ST6GALNAC3: variants seen among roughly 807,000 people sequenced by gnomAD.
The protein encoded by ST6GALNAC3 is alpha-N-acetylgalactosaminide alpha-2,6-sialyltransferase 3.
Under a neutral mutation model 32.7 loss-of-function variants are expected in ST6GALNAC3, and 25 were observed. The observed-to-expected ratio is 0.76, with a 90% CI of 0.56 to 1.07. The LOEUF is 1.07. Among genes scored for constraint, ST6GALNAC3 ranks in the 50% least tolerant of loss-of-function variants. ST6GALNAC3 has a pLI of 0.00. For synonymous variants in ST6GALNAC3, 129 were observed against 133.1 expected (o/e 0.97, Z 0.21); for missense variants, 355 against 382.4 (o/e 0.93, Z 0.60).
At chr1:76,286,027 G>A (rs1301468083) in intron 1 of ST6GALNAC3, among the ~76,000 whole-genome samples, 1 of 152,048 alleles carries the variant, frequency 6.6e-6, no homozygotes, top group Non-Finnish European at 1.5e-5. Flanking sequence ...GACAGCCATA[G>A]GCTAAGATGT....
chr1:76,468,941 C>A (rs1008327280), intron 3 of ST6GALNAC3, among the ~76,000 whole-genome samples: 11 of 151,928 alleles, frequency 7.2e-5, no homozygotes, highest in African/African-American at 2.7e-4. Flanking sequence ...AAAATAATTT[C>A]TTTCCTTGGC....
At chr1:76,610,689 G>C (rs1460517154) in intron 3 of ST6GALNAC3, among the ~76,000 whole-genome samples, 1 of 152,112 alleles carries the variant, frequency 6.6e-6, no homozygotes, top group Non-Finnish European at 1.5e-5. Context: ...GTCTGTAAGT[G>C]GCGACAGGGA....
intron 3 of ST6GALNAC3, among the ~76,000 whole-genome samples, chr1:76,531,163 T>C (rs141588518): frequency 2.6e-5 from 4 of 152,316 alleles, no homozygotes; most frequent in Non-Finnish European, 5.9e-5. Flanking sequence ...TGTCTCCAAG[T>C]TGCTATTCCA....
rs1481441867 is a variant in ST6GALNAC3 at position 76,627,450 on chromosome 1, A to C, written c.624-2A>C. ...GTTATTGTTTGTTTTCATTTCCCTC[A>C]GAGTCCAGTCTGGCTCATATCTCAG... On this transcript the variant is annotated splice_acceptor_variant, in intron 3 of 4. Transcript: ENST00000328299. LOFTEE classifies it high-confidence loss of function. 1 of 1,599,210 alleles carries C rather than the reference A, an allele frequency of 6.3e-7. No homozygotes were observed. The highest frequency in any genetic ancestry group is 8.6e-7 in the Non-Finnish European group (1 of 1,167,366).
intron 2 of ST6GALNAC3, among the ~76,000 whole-genome samples, chr1:76,314,579 G>A (rs1322877842): frequency 6.6e-6 from 1 of 152,124 alleles, no homozygotes; most frequent in East Asian, 1.9e-4. Context: ...GTACAGGAGA[G>A]GATGGAGGTA....
chr1:76,257,828 G>C (rs1184974759), intron 1 of ST6GALNAC3, among the ~76,000 whole-genome samples: 1 of 152,066 alleles, frequency 6.6e-6, no homozygotes, highest in Admixed American at 6.6e-5. Context: ...GGCTAATGAT[G>C]TTATTTTATT....
Position 76,633,935 on chromosome 1 carries a change from A to C in ST6GALNAC3, c.*5129A>C, listed in dbSNP as rs1343751152. 1.3e-5 allele frequency: 2 copies of C among 153,244 alleles called. No individual in the cohort carries two copies. The highest frequency in any genetic ancestry group is 4.8e-5 in the African/African-American group (2 of 41,456). The allele number at this position is 153,244 out of a possible 1,614,324, so 9.5% of individuals were successfully genotyped here. On this transcript the variant is annotated 3_prime_UTR_variant, in exon 5 of 5. Coordinates refer to ENST00000328299, the MANE Select transcript of ST6GALNAC3 (RefSeq NM_152996.4). ...TTGTTCTGTTGCTTGTTTTTGCTGA[A>C]CTGTAGAGAAAACACCAGAGTAAAA...
chr1:76,427,178 G>C (rs1365080852), intron 3 of ST6GALNAC3, among the ~76,000 whole-genome samples: 1 of 151,982 alleles, frequency 6.6e-6, no homozygotes, highest in African/African-American at 2.4e-5. Context: ...TAAGACCAGG[G>C]CAAATCTAGT....
chr1:76,262,369 T>C (rs1268025197), intron 1 of ST6GALNAC3, among the ~76,000 whole-genome samples: 1 of 151,790 alleles, frequency 6.6e-6, no homozygotes, highest in Non-Finnish European at 1.5e-5. Flanking sequence ...TATGTATTTA[T>C]TGGACTCTGT....
intron 2 of ST6GALNAC3, among the ~76,000 whole-genome samples, chr1:76,398,074 C>T (rs1653116006): frequency 6.6e-6 from 1 of 152,016 alleles, no homozygotes; most frequent in Non-Finnish European, 1.5e-5. Flanking sequence ...TATTTTGGTT[C>T]CAGTCCTAGT....
At chr1:76,601,839 A>G (rs1647250643) in intron 3 of ST6GALNAC3, among the ~76,000 whole-genome samples, 1 of 152,198 alleles carries the variant, frequency 6.6e-6, no homozygotes, top group African/African-American at 2.4e-5. Context: ...GAACATGACC[A>G]GTTGAGAGCA....
intron 3 of ST6GALNAC3, among the ~76,000 whole-genome samples, chr1:76,495,158 T>C (rs145226684): frequency 1.8e-4 from 27 of 152,210 alleles, no homozygotes; most frequent in Middle Eastern, 3.4e-3. Context: ...CAGGATAATG[T>C]TTGACCAAAT....
Position 76,628,682 on chromosome 1 carries a change from A to T in ST6GALNAC3, c.794A>T (p.Glu265Val). ...YYEQGRDECD[E>V]YFLHEHAPYG... ...GAACAAGGAAGAGATGAGTGTGATGAATATTTTCTTCATGAACATGCCCCA... is the reference window on the plus strand; with the variant it reads ...GAACAAGGAAGAGATGAGTGTGATGTATATTTTCTTCATGAACATGCCCCA... The change falls in exon 5 of 5, where the codon GAA (glutamate) becomes GTA (valine). Residue 265 changes from glutamate to valine, a missense_variant. Glu to Val is a moderately radical substitution (Grantham distance 121, BLOSUM62 -2). Transcript: ENST00000328299. The T allele has an allele frequency of 2.5e-6, 4 of 1,612,220 alleles. No individual in the cohort carries two copies. Among genetic ancestry groups the T allele is most frequent in the Non-Finnish European group, 2.5e-6 (3 of 1,179,016 alleles).
At chr1:76,225,952 T>A (rs1275995185) in intron 1 of ST6GALNAC3, among the ~76,000 whole-genome samples, 1 of 152,202 alleles carries the variant, frequency 6.6e-6, no homozygotes, top group Admixed American at 6.5e-5. Flanking sequence ...AATATTTTCT[T>A]TAATGTTATT....
At chr1:76,357,124 C>CTTTTTTTTTTTTTTTTTT (rs1649524334) in intron 2 of ST6GALNAC3, among the ~76,000 whole-genome samples, 1 of 59,840 alleles carries the variant, frequency 1.7e-5, no homozygotes. Context: ...TTTTTCTTTT[C>CTTTTTTTTTTTTTTTTTT]TTTTTCTTTT....
chr1:76,595,839 C>T (rs928508363), intron 3 of ST6GALNAC3, among the ~76,000 whole-genome samples: 1 of 152,070 alleles, frequency 6.6e-6, no homozygotes, highest in African/African-American at 2.4e-5. Context: ...ACCCTCCCCA[C>T]CAAATAATGG....
intron 1 of ST6GALNAC3, among the ~76,000 whole-genome samples, chr1:76,259,757 A>G (rs1658119626): frequency 6.6e-6 from 1 of 152,166 alleles, no homozygotes. Context: ...AACTTAATTA[A>G]TTTGGGGCAG....
At chr1:76,231,830 G>A (rs958278225) in intron 1 of ST6GALNAC3, among the ~76,000 whole-genome samples, 2 of 152,128 alleles carry the variant, frequency 1.3e-5, no homozygotes, top group African/African-American at 4.8e-5. Context: ...TTGAGACCCT[G>A]CTTTAGATTC....
chr1:76,254,683 T>TA (rs112753049), intron 1 of ST6GALNAC3, among the ~76,000 whole-genome samples: 4,905 of 152,204 alleles, frequency 0.032, 265 homozygotes, highest in African/African-American at 0.11. Flanking sequence ...TTTCCTGCCT[T>TA]AAACTGTCTC....
Sources: gnomAD v4.1 joint callset for allele counts (sites outside exome capture counted in the v4.1 genomes callset) on GRCh38, gnomAD v4.1.1 for gene constraint, MANE v1.5 for transcripts, NCBI Gene and HGNC (gene_info 2026-07-23, HGNC 2026-07-21) for gene names.